Variants in EDARADD observed in about 807,000 individuals in gnomAD.
The protein encoded by EDARADD is ectodysplasin-A receptor-associated adapter protein.
Under a neutral mutation model 25.6 loss-of-function variants are expected in EDARADD, and 20 were observed. The observed-to-expected ratio is 0.78, with a 90% confidence interval of 0.55 to 1.14. The LOEUF is 1.14. EDARADD is among the 50% of genes most tolerant of loss of function. EDARADD has a pLI of 0.00. For synonymous variants in EDARADD, 86 were observed against 94.4 expected (o/e 0.91, Z 0.52); for missense variants, 225 against 270.1 (o/e 0.83, Z 1.17).
intron 3 of EDARADD, among the ~76,000 whole-genome samples, chr1:236,375,655 CAAA>C (rs34232960): frequency 1.3e-5 from 1 of 74,554 alleles, no homozygotes; most frequent in Non-Finnish European, 2.6e-5. Context: ...GACTTGGTCT[CAAA>C]AAAAAAAAAA....
chr1:236,482,189 GA>G, intron 5 of EDARADD, 77 bp from the exon 6 acceptor site: 1 of 1,543,340 alleles, frequency 6.5e-7, no homozygotes, highest in Non-Finnish European at 9.0e-7. Context: ...AATTCAGCAG[GA>G]AAATAAAGGA....
intron 5 of EDARADD, among the ~76,000 whole-genome samples, chr1:236,480,049 AC>A (rs1237886734): frequency 6.7e-6 from 1 of 148,678 alleles, no homozygotes; most frequent in African/African-American, 2.5e-5. Context: ...GTCTCAAAAA[AC>A]AAAACAAAAT....
At position 236,483,645 on chromosome 1, in the gene EDARADD, A is replaced by G; in HGVS notation, c.*996A>G. On this transcript the variant is annotated 3_prime_UTR_variant, in exon 6 of 6. Transcript: ENST00000334232. ...CATCAATGGCAGTTCTCATGCTGTCACCAAGCTGGCCATGCAGGAGTTCAT... is the reference window on the plus strand; with the variant it reads ...CATCAATGGCAGTTCTCATGCTGTCGCCAAGCTGGCCATGCAGGAGTTCAT... 6.4e-7 allele frequency: 1 copy of G among 1,574,134 alleles called. No individual in the cohort carries two copies. Among genetic ancestry groups the G allele is most frequent in the Non-Finnish European group, 8.7e-7 (1 of 1,145,662 alleles).
At chr1:236,376,034 G>A (rs890767256) in intron 3 of EDARADD, among the ~76,000 whole-genome samples, 1 of 147,656 alleles carries the variant, frequency 6.8e-6, no homozygotes, top group Non-Finnish European at 1.5e-5. Context: ...TCTGAGGTTC[G>A]AGCGATTCTC....
At chr1:236,428,740 C>T (rs36183478) in intron 4 of EDARADD, among the ~76,000 whole-genome samples, 5,600 of 63,912 alleles carry the variant, frequency 0.088, 273 homozygotes, top group Non-Finnish European at 0.14. Flanking sequence ...GGGTGGCGGC[C>T]GGGCAGAGGC....
At chr1:236,420,313 A>G (rs905586270) in intron 3 of EDARADD, among the ~76,000 whole-genome samples, 1 of 152,254 alleles carries the variant, frequency 6.6e-6, no homozygotes, top group Non-Finnish European at 1.5e-5. Context: ...TTTAAGGCTA[A>G]ATAACTTTAA....
intron 5 of EDARADD, 23 bp from the exon 6 acceptor site, chr1:236,482,244 G>A: frequency 6.2e-7 from 1 of 1,614,114 alleles, no homozygotes; most frequent in Non-Finnish European, 8.5e-7. Flanking sequence ...TTGACCTGTG[G>A]ACTAAATTGT....
chr1:236,409,848 G>A (rs1172397507), intron 2 of EDARADD, among the ~76,000 whole-genome samples: 4 of 151,866 alleles, frequency 2.6e-5, no homozygotes, highest in African/African-American at 4.8e-5. Context: ...ACAGATGTGA[G>A]CCACCGTACC....
chr1:236,447,166 CTCCCTCTTTCTTTCTTTCTTTCTTTCTT>C (rs1375857329), intron 4 of EDARADD, among the ~76,000 whole-genome samples: 2 of 115,082 alleles, frequency 1.7e-5, no homozygotes, highest in African/African-American at 3.9e-5. Flanking sequence ...CCCTCCCTCC[CTCCCTCTTTCTTTCTTTCTTTCTTTCTT>C]TCTTTCTTTC....
rs188565995 is a variant in EDARADD, at chr1:236,483,854, G to A, written c.*1205G>A. ...AAGGCCTGGAGCTGCTGAAGACTGC[G>A]ATTGGGAAAGCTGGCTACACTGATA... is the stretch of plus-strand genomic sequence containing the variant. On this transcript the variant is annotated 3_prime_UTR_variant, in exon 6 of 6. Transcript: ENST00000334232. The A allele has an allele frequency of 8.5e-6, 12 of 1,410,106 alleles. No individual in the cohort carries two copies. Among genetic ancestry groups the A allele is most frequent in the East Asian group, 4.6e-5 (2 of 43,738 alleles). The allele number at this position is 1,410,106 out of a possible 1,614,324, so 87.3% of individuals were successfully genotyped here. A position where few individuals can be genotyped will look rare whatever the true frequency, so the allele number is the denominator to read the frequency against.
chr1:236,477,444 C>T (rs1472358491), intron 5 of EDARADD, among the ~76,000 whole-genome samples: 2 of 152,108 alleles, frequency 1.3e-5, no homozygotes, highest in East Asian at 1.9e-4. Context: ...CCTATCTGTT[C>T]TCAGGATTTT....
At chr1:236,371,617 T>G (rs1034024605) in intron 3 of EDARADD, among the ~76,000 whole-genome samples, 5 of 151,588 alleles carry the variant, frequency 3.3e-5, no homozygotes, top group African/African-American at 1.2e-4. Context: ...TCGCTCAGAC[T>G]GCAGTGCAGT....
At position 236,427,685 on chromosome 1, in the gene EDARADD, A is replaced by T. The variant is rs951971321; in HGVS notation, c.219+235A>T. ...CTTTGAAATACTCTTCTACATGCCA[A>T]CAACAGAAAATCAATGCTGGTGAGT... On this transcript the variant is annotated intron_variant, in intron 4 of 5. Transcript: ENST00000334232. Among the ~76,000 whole-genome samples the T allele has an allele frequency of 5.3e-5, 8 of 152,288 alleles. No homozygotes were observed. The East Asian group carries it at 1.3e-3, about 26-fold the overall frequency.
chr1:236,375,501 C>T (rs972212056), intron 3 of EDARADD, among the ~76,000 whole-genome samples: 2 of 151,752 alleles, frequency 1.3e-5, no homozygotes, highest in African/African-American at 4.8e-5. Context: ...ACTAAAAATA[C>T]AAATATTAGC....
chr1:236,408,733 C>A lies in EDARADD; in HGVS notation c.62-483C>A, dbSNP rs1039568072. The stretch of plus-strand genomic sequence containing the variant: ...GTGTACTCCAGCCTGGGCTACAGAG[C>A]AAACCCTATTTCTTTTTTCTTTCTT... On this transcript the variant is annotated intron_variant, in intron 1 of 5. Transcript: ENST00000334232. Among the ~76,000 whole-genome samples the A allele has an allele frequency of 2.6e-5, 4 of 151,638 alleles. 1 individual carries two copies. Among genetic ancestry groups the A allele is most frequent in the Admixed American group, 1.3e-4 (2 of 15,226 alleles).
chr1:236,457,889 A>T (rs925086321), intron 4 of EDARADD, among the ~76,000 whole-genome samples: 1 of 151,734 alleles, frequency 6.6e-6, no homozygotes, highest in Admixed American at 6.6e-5. Context: ...CTTAGTAGTT[A>T]TTTCCCCAAG....
intron 5 of EDARADD, among the ~76,000 whole-genome samples, chr1:236,476,492 C>T (rs1160298409): frequency 6.6e-6 from 1 of 151,864 alleles, no homozygotes; most frequent in Non-Finnish European, 1.5e-5. Flanking sequence ...TCAAGAGCAG[C>T]CTGGGGAACA....
At chr1:236,437,509 C>T (rs943328270) in intron 4 of EDARADD, among the ~76,000 whole-genome samples, 1 of 151,946 alleles carries the variant, frequency 6.6e-6, no homozygotes, top group Non-Finnish European at 1.5e-5. Flanking sequence ...AGACTGAGGC[C>T]AGGAGAGCCT....
rs145556438 is a variant in EDARADD at position 236,356,117 on chromosome 1, A to G, written c.-6+5278A>G. Among the ~76,000 whole-genome samples, 770 of 152,280 alleles carry G rather than the reference A, an allele frequency of 5.1e-3. 4 individuals carry two copies. The highest frequency in any genetic ancestry group is 6.8e-3 in the Middle Eastern group (2 of 294). ...TGGGAAGATTGCTTGACAGGCCAGC[A>G]GAGAGTAGGGCAGAGAGGAAAAACT... On this transcript the variant is annotated intron_variant, in intron 3 of 7. Coordinates refer to the EDARADD transcript ENST00000439430.
Sources: allele counts gnomAD v4.1 joint callset (sites outside exome capture counted in the v4.1 genomes callset), GRCh38; gene constraint gnomAD v4.1.1; transcripts MANE v1.5; gene names NCBI Gene and HGNC (gene_info 2026-07-23, HGNC 2026-07-21).